NRG3: variants seen among roughly 807,000 people sequenced by gnomAD.
NRG3 encodes neuregulin 3, also known as pro-neuregulin-3, membrane-bound isoform.
In NRG3, 31 loss-of-function variants were observed where a neutral mutation model predicts 66.9. The observed-to-expected ratio is 0.46, with a 90% CI of 0.35 to 0.63. The LOEUF is 0.63. NRG3 is among the 20% of genes least tolerant of loss of function. NRG3 has a pLI of 0.00. For synonymous variants in NRG3, 393 were observed against 359.4 expected (o/e 1.09, Z -1.06); for missense variants, 910 against 878.9 (o/e 1.04, Z -0.45).
chr10:82,439,141 T>A lies in NRG3; in HGVS notation c.953+80273T>A, dbSNP rs75684324. 2.5e-4 allele frequency among the ~76,000 whole-genome samples: 38 copies of A among 152,288 alleles called. No homozygotes were observed. In the East Asian group the frequency reaches 7.2e-3, roughly 29 times the overall value. On this transcript the variant is annotated intron_variant, in intron 2 of 8. Coordinates refer to ENST00000372141, the MANE Select transcript of NRG3 (RefSeq NM_001010848.4). ...TTTTAAAGTCAAGAAAGAGTGTTTC[T>A]CATCTTTTTCTCCAGCATTTTTTTA...
In NRG3 at chr10:82,979,159, C is replaced by T. The variant is rs752449674; in HGVS notation, c.1583+39C>T. 2.4e-5 allele frequency: 39 copies of T among 1,593,296 alleles called. No homozygotes were observed. The African/African-American group carries it at 4.6e-4, about 19-fold the overall frequency. On this transcript the variant is annotated intron_variant, in intron 8 of 8. Transcript: ENST00000372141. Reference sequence around the variant, plus strand: ...CAGCAGTGGAATTTAGGGAGGGTGTCTTTAATGCCATAGCTTTAAGTTAAG... The same window carrying T: ...CAGCAGTGGAATTTAGGGAGGGTGTTTTTAATGCCATAGCTTTAAGTTAAG...
chr10:82,901,541 A>G (rs1011735827), intron 4 of NRG3, among the ~76,000 whole-genome samples: 2 of 152,208 alleles, frequency 1.3e-5, no homozygotes, highest in Non-Finnish European at 2.9e-5. Context: ...CTGCAGGATG[A>G]ACCTTTCACC....
intron 2 of NRG3, among the ~76,000 whole-genome samples, chr10:82,552,921 T>A (rs2044411218): frequency 2.0e-5 from 3 of 151,998 alleles, no homozygotes; most frequent in Non-Finnish European, 2.9e-5. Context: ...CATGGAGTGA[T>A]CACTGAAGTG....
chr10:82,408,695 G>A (rs947207354), intron 2 of NRG3, among the ~76,000 whole-genome samples: 1 of 148,952 alleles, frequency 6.7e-6, no homozygotes, highest in South Asian at 2.1e-4. Flanking sequence ...TTCCTCAGTG[G>A]CATTTGCTAA....
intron 4 of NRG3, among the ~76,000 whole-genome samples, chr10:82,944,276 G>A (rs964312283): frequency 2.6e-5 from 4 of 152,166 alleles, no homozygotes; most frequent in Admixed American, 2.0e-4. Flanking sequence ...TAAATGTTAT[G>A]TGGAAATAAT....
intron 1 of NRG3, among the ~76,000 whole-genome samples, chr10:81,979,581 C>G (rs571791968): frequency 6.6e-6 from 1 of 152,200 alleles, no homozygotes; most frequent in African/African-American, 2.4e-5. Context: ...TTATTTTCAG[C>G]AATGTCAAAT....
At chr10:82,549,523 A>G (rs770476091) in intron 2 of NRG3, among the ~76,000 whole-genome samples, 2 of 152,156 alleles carry the variant, frequency 1.3e-5, no homozygotes, top group Non-Finnish European at 2.9e-5. Flanking sequence ...CTAAAGTAAG[A>G]GATTTTTAAT....
At chr10:82,251,083 G>T (rs765990168) in intron 1 of NRG3, among the ~76,000 whole-genome samples, 7 of 152,164 alleles carry the variant, frequency 4.6e-5, no homozygotes, top group African/African-American at 1.7e-4. Flanking sequence ...AAAATCTGAC[G>T]ACGTTGGACG....
At chr10:82,134,455 C>T (rs1225239999) in intron 1 of NRG3, among the ~76,000 whole-genome samples, 1 of 152,064 alleles carries the variant, frequency 6.6e-6, no homozygotes, top group Non-Finnish European at 1.5e-5. Flanking sequence ...AGGAAAGGGT[C>T]CAGCTTCAGT....
chr10:82,113,683 C>G (rs183589542), intron 1 of NRG3, among the ~76,000 whole-genome samples: 1 of 152,124 alleles, frequency 6.6e-6, no homozygotes, highest in African/African-American at 2.4e-5. Context: ...TAGTTTAGCT[C>G]ATAGTGGTGA....
chr10:82,859,700 C>G (rs143804546), intron 3 of NRG3, among the ~76,000 whole-genome samples: 1 of 152,270 alleles, frequency 6.6e-6, no homozygotes, highest in East Asian at 1.9e-4. Context: ...TACAATGCGG[C>G]AACTATAGTT....
chr10:82,183,550 T>C (rs61463796), intron 1 of NRG3, among the ~76,000 whole-genome samples: 4,921 of 152,114 alleles, frequency 0.032, 108 homozygotes, highest in African/African-American at 0.067. Context: ...GAACTGCTGG[T>C]CTCAGCTGCT....
At chr10:81,955,254 G>A (rs1849720049) in intron 1 of NRG3, among the ~76,000 whole-genome samples, 1 of 151,188 alleles carries the variant, frequency 6.6e-6, no homozygotes. Flanking sequence ...AGCAATTGTG[G>A]AAGCTGGATC....
At chr10:82,780,174 A>T (rs900749068) in intron 3 of NRG3, among the ~76,000 whole-genome samples, 1 of 152,186 alleles carries the variant, frequency 6.6e-6, no homozygotes, top group Non-Finnish European at 1.5e-5. Flanking sequence ...CAGTGCCACA[A>T]TAAACATATG....
intron 1 of NRG3, among the ~76,000 whole-genome samples, chr10:81,920,717 CAGTA>C (rs1369676393): frequency 6.6e-6 from 1 of 152,122 alleles, no homozygotes; most frequent in Non-Finnish European, 1.5e-5. Context: ...TAGTACACGT[CAGTA>C]AGTACACATC....
At chr10:82,834,193 C>T (rs1401120531) in intron 3 of NRG3, among the ~76,000 whole-genome samples, 5 of 152,114 alleles carry the variant, frequency 3.3e-5, no homozygotes, top group Non-Finnish European at 5.9e-5. Flanking sequence ...CTTCTTTGCT[C>T]GTCTCAGCTC....
intron 1 of NRG3, among the ~76,000 whole-genome samples, chr10:82,233,298 G>C (rs1255459199): frequency 6.6e-6 from 1 of 152,136 alleles, no homozygotes; most frequent in Non-Finnish European, 1.5e-5. Context: ...CCGGGAGGCG[G>C]AGCTTGCAGT....
chr10:82,767,243 A>G (rs2059552308), intron 3 of NRG3, among the ~76,000 whole-genome samples: 1 of 152,028 alleles, frequency 6.6e-6, no homozygotes, highest in South Asian at 2.1e-4. Context: ...ACAAACAGAT[A>G]CCTTCTCAAT....
intron 1 of NRG3, among the ~76,000 whole-genome samples, chr10:82,134,319 A>G (rs927723102): frequency 1.3e-5 from 2 of 152,148 alleles, no homozygotes; most frequent in African/African-American, 4.8e-5. Context: ...GGTGTCTGTC[A>G]TGAAATTTTT....
Sources: gnomAD v4.1 joint callset for allele counts (sites outside exome capture counted in the v4.1 genomes callset) on GRCh38, gnomAD v4.1.1 for gene constraint, MANE v1.5 for transcripts, NCBI Gene and HGNC (gene_info 2026-07-23, HGNC 2026-07-21) for gene names.